The following ADGRV1 variants were observed in gnomAD, a reference collection of about 807,000 sequenced individuals.
The protein encoded by ADGRV1 is G-protein coupled receptor 98.
In ADGRV1, 359 loss-of-function variants were observed where a neutral mutation model predicts 596.2. The observed-to-expected ratio is 0.60, with a 90% CI of 0.55 to 0.66. The LOEUF (loss-of-function observed/expected upper bound fraction) is 0.66, where lower values mean the gene tolerates loss of function less well. Ranked by LOEUF, ADGRV1 falls within the 30% of genes least tolerant of loss-of-function variation. The pLI, the probability that ADGRV1 is intolerant of heterozygous loss-of-function variation, is 0.00. For missense variants in ADGRV1, 7,274 were observed against 7,575.6 expected (o/e 0.96, Z 1.48); for synonymous variants, 2,681 against 2,679.2 (o/e 1.00, Z -0.02).
intron 83 of ADGRV1, among the ~76,000 whole-genome samples, chr5:90,899,587 C>A (rs1408498928): frequency 6.6e-6 from 1 of 152,176 alleles, no homozygotes; most frequent in Non-Finnish European, 1.5e-5. Flanking sequence ...CTGGCCTTGA[C>A]CTCAGTACTT....
chr5:91,142,275 C>CA (rs59384646), intron 87 of ADGRV1, among the ~76,000 whole-genome samples: 6,130 of 152,116 alleles, frequency 0.04, 328 homozygotes, highest in African/African-American at 0.12. Flanking sequence ...ATACTATAAA[C>CA]AAAAATAAAT....
chr5:90,601,066 G>A (rs574447303), intron 1 of ADGRV1, among the ~76,000 whole-genome samples: 3 of 152,074 alleles, frequency 2.0e-5, no homozygotes, highest in South Asian at 2.1e-4. Context: ...GAGTAATTTC[G>A]TCTCTACTAA....
chr5:90,581,590 T>C (rs1231326367), intron 1 of ADGRV1, among the ~76,000 whole-genome samples: 1 of 152,198 alleles, frequency 6.6e-6, no homozygotes, highest in Non-Finnish European at 1.5e-5. Flanking sequence ...CAGTGAAATA[T>C]TGTTGCCTGA....
chr5:91,127,484 G>T (rs149167112), intron 87 of ADGRV1, among the ~76,000 whole-genome samples: 2,092 of 145,316 alleles, frequency 0.014, 22 homozygotes, highest in South Asian at 0.072. Context: ...GCTACAGTTA[G>T]CTCTGATCCT....
At chr5:91,127,477 A>C (rs1213739046) in intron 87 of ADGRV1, among the ~76,000 whole-genome samples, 2 of 150,666 alleles carry the variant, frequency 1.3e-5, no homozygotes, top group African/African-American at 4.9e-5. Context: ...ATTCAAGGCT[A>C]CAGTTAGCTC....
chr5:91,133,992 T>C (rs1412419003), intron 87 of ADGRV1, among the ~76,000 whole-genome samples: 1 of 152,168 alleles, frequency 6.6e-6, no homozygotes, highest in Non-Finnish European at 1.5e-5. Context: ...AATAATTTAA[T>C]AAAATGAAAA....
At chr5:90,868,178 C>G (rs1469200623) in intron 83 of ADGRV1, among the ~76,000 whole-genome samples, 1 of 152,032 alleles carries the variant, frequency 6.6e-6, no homozygotes, top group Non-Finnish European at 1.5e-5. Flanking sequence ...CCCAAAACAT[C>G]TCTGGTTGTT....
Position 90,704,446 on chromosome 5 carries a change from A to T in ADGRV1, c.8344A>T (p.Lys2782Ter). ...GTTGGATGACAACATTCCTGAGGAG[A>T]AAGAAGTATACCAAGTCATTCTGTA... ...HLLDDNIPEE[K>*]EVYQVILYDV... The change falls in exon 36 of 90, where the codon AAA becomes TAA. Residue 2782 changes from lysine (K) to a stop codon, truncating the protein, a stop_gained. Coordinates refer to ENST00000405460, the MANE Select transcript of ADGRV1 (RefSeq NM_032119.4). LOFTEE classifies it high-confidence loss of function. The T allele has an allele frequency of 6.3e-7, 1 of 1,580,948 alleles. No individual in the cohort carries two copies. Among genetic ancestry groups the T allele is most frequent in the Non-Finnish European group, 8.6e-7 (1 of 1,161,646 alleles).
chr5:90,968,899 A>G (rs1778709955), intron 84 of ADGRV1, among the ~76,000 whole-genome samples: 1 of 152,226 alleles, frequency 6.6e-6, no homozygotes, highest in South Asian at 2.1e-4. Context: ...TATAATGACA[A>G]TAAATTAATC....
chr5:90,707,950 A>G (rs892573868), intron 38 of ADGRV1, among the ~76,000 whole-genome samples: 1 of 152,168 alleles, frequency 6.6e-6, no homozygotes, highest in South Asian at 2.1e-4. Flanking sequence ...CAGTCCTTCT[A>G]TATCACTGAC....
intron 85 of ADGRV1, among the ~76,000 whole-genome samples, chr5:91,062,852 A>G (rs775475141): frequency 1.3e-5 from 2 of 151,832 alleles, no homozygotes; most frequent in African/African-American, 2.4e-5. Flanking sequence ...TTGGAGTTCC[A>G]TAGCCCCTTG....
rs1561702761 is a variant in ADGRV1, at chr5:90,774,623, TAG to T, written c.12403+321_12403+322del. 9.9e-5 allele frequency among the ~76,000 whole-genome samples: 15 copies of T among 152,236 alleles called. No homozygotes were observed. In the East Asian group the frequency reaches 2.9e-3, roughly 29 times the overall value. On this transcript the variant is annotated intron_variant, in intron 60 of 89. Transcript: ENST00000405460. ...CCTAAATGGTCCAACAGTAGGAGAC[TAG>T]TTAAATGTGTCAGAATACTAGGCAG...
At chr5:90,919,946 A>G (rs537579320) in intron 83 of ADGRV1, among the ~76,000 whole-genome samples, 1 of 148,264 alleles carries the variant, frequency 6.7e-6, no homozygotes, top group East Asian at 2.0e-4. Context: ...ATGAGCCAAG[A>G]TCGTGCCATT....
intron 83 of ADGRV1, among the ~76,000 whole-genome samples, chr5:90,918,739 A>T (rs1006291114): frequency 1.3e-5 from 2 of 152,144 alleles, no homozygotes; most frequent in African/African-American, 4.8e-5. Flanking sequence ...TCCCATGTAT[A>T]TTTACTCCAC....
chr5:90,582,170 C>T (rs1758152661), intron 1 of ADGRV1, among the ~76,000 whole-genome samples: 2 of 143,524 alleles, frequency 1.4e-5, no homozygotes. Context: ...ATTCTGTGGT[C>T]GTTGGGTGGA....
At chr5:91,135,229 G>A (rs969129641) in intron 87 of ADGRV1, among the ~76,000 whole-genome samples, 1 of 150,440 alleles carries the variant, frequency 6.6e-6, no homozygotes, top group African/African-American at 2.4e-5. Context: ...ACATTTCCTT[G>A]TGTACTAAAA....
chr5:90,729,948 G>C (rs1366771800), intron 50 of ADGRV1, among the ~76,000 whole-genome samples, 184 bp downstream of exon 50: 1 of 151,846 alleles, frequency 6.6e-6, no homozygotes, highest in African/African-American at 2.4e-5. Context: ...CTCACTGCAA[G>C]CTCCGCCTCC....
Position 90,776,533 on chromosome 5 carries a change from AT to A in ADGRV1, c.12486del (p.Ile4162MetfsTer47). 6.2e-7 allele frequency: 1 copy of A among 1,613,304 alleles called. No homozygotes were observed. Among genetic ancestry groups the A allele is most frequent in the Non-Finnish European group, 8.5e-7 (1 of 1,179,428 alleles). On this transcript the variant is annotated frameshift_variant, in exon 61 of 90. Coordinates refer to ENST00000405460, the MANE Select transcript of ADGRV1 (RefSeq NM_032119.4). LOFTEE classifies it high-confidence loss of function. ...AGCTCCGTCATCTAGGCACATCCTC[AT>A]TGGGGAACCCTCAGCAAAATATAAT... is the stretch of plus-strand genomic sequence containing the variant. ...GIAPSSRHIL[I>X]GEPSAKYNGT...
rs1764586262 is a variant in ADGRV1 at position 90,625,238 on chromosome 5, G to T, written c.667G>T (p.Asp223Tyr). 6.2e-7 allele frequency: 1 copy of T among 1,603,628 alleles called. No individual in the cohort carries two copies. Among genetic ancestry groups the T allele is most frequent in the South Asian group, 1.1e-5 (1 of 90,438 alleles). Residue 223 changes from aspartate to tyrosine, a missense_variant, in exon 6 of 90, where the codon GAC (aspartate) becomes TAC (tyrosine). This residue lies in a region of ADGRV1 where 1,715 missense variants were observed against 1,708.8 expected (regional missense o/e 1.00). Transcript: ENST00000405460. ...TVIYNLTVLD[D>Y]EVPENDEIFL... ...AATTTATAACTTGACAGTACTCGAT[G>T]ACGAGGTTGGCTAATGTTACATACC...
Sources: gnomAD v4.1 joint callset for allele counts (sites outside exome capture counted in the v4.1 genomes callset) on GRCh38, gnomAD v4.1.1 for gene constraint, gnomAD v4.1.1 regional missense constraint, MANE v1.5 for transcripts, NCBI Gene and HGNC (gene_info 2026-07-23, HGNC 2026-07-21) for gene names.